PRUNE2: variants seen among roughly 807,000 people sequenced by gnomAD.
PRUNE2 encodes the protein prune homolog 2 with BCH domain.
PRUNE2 carries 164 observed loss-of-function variants against 252.0 expected under a neutral mutation model. The ratio of observed to expected loss-of-function variants is 0.65; its 90% CI spans 0.57 to 0.74. PRUNE2 has a LOEUF of 0.74. Among genes scored for constraint, PRUNE2 ranks in the 30% least tolerant of loss-of-function variants. PRUNE2 has a pLI of 0.00. For missense variants in PRUNE2, 3,495 were observed against 3,711.0 expected (o/e 0.94, Z 1.51); for synonymous variants, 1,292 against 1,350.2 (o/e 0.96, Z 0.94).
chr9:76,770,794 G>C (rs1384402388), intron 6 of PRUNE2, among the ~76,000 whole-genome samples: 3 of 152,100 alleles, frequency 2.0e-5, no homozygotes, highest in Non-Finnish European at 4.4e-5. Context: ...AAATAGCAAA[G>C]GGACAGTGGA....
chr9:76,703,489 G>A lies in PRUNE2; in HGVS notation c.8124C>T (p.Gly2708=). ...CAGCCTGCAACGTAACTGCATCCGG[G>A]CCAGCCCTGCCTCGGCTCTTACTCT... ...SQKSKSRGRA[G]PDAVTLQAVT... The change falls in exon 9 of 19, where the codon GGC becomes GGT. Residue 2708 remains glycine (G), a synonymous_variant. Coordinates refer to ENST00000376718, the MANE Select transcript of PRUNE2 (RefSeq NM_015225.3). 6.2e-7 allele frequency: 1 copy of A among 1,613,794 alleles called. No homozygotes were observed. Among genetic ancestry groups the A allele is most frequent in the Non-Finnish European group, 8.5e-7 (1 of 1,179,840 alleles).
chr9:76,726,521 G>A (rs777344712), intron 6 of PRUNE2, among the ~76,000 whole-genome samples: 2 of 152,182 alleles, frequency 1.3e-5, no homozygotes, highest in African/African-American at 2.4e-5. Context: ...GATAAGTTTA[G>A]TGAGACAATT....
At chr9:76,644,170 T>G (rs1237849471) in intron 12 of PRUNE2, among the ~76,000 whole-genome samples, 2 of 152,176 alleles carry the variant, frequency 1.3e-5, no homozygotes. Context: ...CTCTCTCCCT[T>G]GTCTCTCACC....
chr9:76,646,006 T>C (rs1194255590), intron 11 of PRUNE2, among the ~76,000 whole-genome samples: 2 of 152,342 alleles, frequency 1.3e-5, no homozygotes, highest in African/African-American at 4.8e-5. Flanking sequence ...TCTGAAGTGG[T>C]TTGCCTCAGA....
rs535441909 is a variant in PRUNE2 at position 76,887,488 on chromosome 9, T to C, written c.36+18440A>G. 5.3e-5 allele frequency among the ~76,000 whole-genome samples: 8 copies of C among 152,304 alleles called. No individual in the cohort carries two copies. The South Asian group carries it at 1.7e-3, about 32-fold the overall frequency. ...AATTATTAACTTTCCTTCCTGTAAATGACAATAATCCGTCCCTGCACGGTG... is the reference window on the plus strand; with the variant it reads ...AATTATTAACTTTCCTTCCTGTAAACGACAATAATCCGTCCCTGCACGGTG... On this transcript the variant is annotated intron_variant, in intron 1 of 18. Transcript: ENST00000376718.
In PRUNE2 at chr9:76,705,633, A is replaced by C; in HGVS notation, c.6641T>G (p.Met2214Arg). 6.2e-7 allele frequency: 1 copy of C among 1,614,048 alleles called. No homozygotes were observed. The highest frequency in any genetic ancestry group is 8.5e-7 in the Non-Finnish European group (1 of 1,179,896). ...QVSEKGASPD[M>R]APILEPVDRR... The stretch of plus-strand genomic sequence containing the variant: ...GTCAACTGGTTCCAAAATTGGTGCC[A>C]TATCTGGGCTGGCTCCTTTTTCTGA... The change falls in exon 8 of 19, where the codon ATG (methionine) becomes AGG (arginine). Residue 2214 changes from methionine to arginine, a missense_variant. Transcript: ENST00000376718.
chr9:76,885,665 G>C (rs55969424), intron 1 of PRUNE2, among the ~76,000 whole-genome samples: 1,757 of 152,172 alleles, frequency 0.012, 37 homozygotes, highest in African/African-American at 0.04. Context: ...AGCAAAGTAC[G>C]ATGGCTATGC....
intron 1 of PRUNE2, among the ~76,000 whole-genome samples, chr9:76,854,961 G>C (rs2060161363): frequency 6.6e-6 from 1 of 150,666 alleles, no homozygotes; most frequent in East Asian, 1.9e-4. Flanking sequence ...AGCTATTCAG[G>C]AGGCTGAGGT....
intron 9 of PRUNE2, among the ~76,000 whole-genome samples, chr9:76,672,108 G>A (rs1239637948): frequency 1.3e-4 from 20 of 150,732 alleles, no homozygotes; most frequent in Non-Finnish European, 2.2e-4. Flanking sequence ...ACAGACTGGC[G>A]AATTGGATAA....
At chr9:76,669,981 C>A (rs1212678915) in intron 9 of PRUNE2, among the ~76,000 whole-genome samples, 3 of 152,194 alleles carry the variant, frequency 2.0e-5, no homozygotes, top group East Asian at 3.9e-4. Flanking sequence ...GTACTTTGCA[C>A]CACTTTGCCC....
chr9:76,812,778 C>A (rs2057443630), intron 6 of PRUNE2, among the ~76,000 whole-genome samples: 1 of 152,172 alleles, frequency 6.6e-6, no homozygotes, highest in Admixed American at 6.5e-5. Flanking sequence ...GCACATGTGT[C>A]TCTGCACAGC....
At chr9:76,670,652 G>T (rs2041216800) in intron 9 of PRUNE2, among the ~76,000 whole-genome samples, 1 of 152,156 alleles carries the variant, frequency 6.6e-6, no homozygotes, top group Non-Finnish European at 1.5e-5. Context: ...AAATGTCCCT[G>T]TCTGACAGCT....
chr9:76,867,746 T>C (rs1489547742), intron 1 of PRUNE2, among the ~76,000 whole-genome samples: 1 of 152,142 alleles, frequency 6.6e-6, no homozygotes, highest in East Asian at 1.9e-4. Flanking sequence ...TTTTTTTGTG[T>C]ATTTTTAGTA....
At chr9:76,899,191 G>A (rs576819037) in intron 1 of PRUNE2, among the ~76,000 whole-genome samples, 1 of 152,228 alleles carries the variant, frequency 6.6e-6, no homozygotes, top group Admixed American at 6.5e-5. Flanking sequence ...ACATGGAGGA[G>A]AACCTACGGT....
intron 6 of PRUNE2, among the ~76,000 whole-genome samples, chr9:76,768,445 G>A (rs2052677183): frequency 1.3e-5 from 2 of 152,122 alleles, no homozygotes; most frequent in South Asian, 4.2e-4. Context: ...CTCCTGCCTT[G>A]GCCTGCTAAA....
chr9:76,883,235 T>C (rs1005075048), intron 1 of PRUNE2, among the ~76,000 whole-genome samples: 1 of 152,236 alleles, frequency 6.6e-6, no homozygotes, highest in Admixed American at 6.5e-5. Context: ...CAGTGTCAGT[T>C]GCAAATAGAA....
In PRUNE2 at chr9:76,704,756, C is replaced by T. The variant is rs1276868299; in HGVS notation, c.7513+5G>A. The stretch of plus-strand genomic sequence containing the variant: ...TTGGAAGTGGAAGAATGGAATGTTT[C>T]TTACCATTTGGTGGTCCTATGTCTC... On this transcript the variant is annotated splice_donor_5th_base_variant and intron_variant, in intron 8 of 18. Coordinates refer to ENST00000376718, the MANE Select transcript of PRUNE2 (RefSeq NM_015225.3). 6.6e-7 allele frequency: 1 copy of T among 1,521,280 alleles called. No homozygotes were observed. The highest frequency in any genetic ancestry group is 1.4e-5 in the African/African-American group (1 of 72,414). The allele number at this position is 1,521,280 out of a possible 1,614,324, so 94.2% of individuals were successfully genotyped here.
chr9:76,710,761 G>T lies in PRUNE2; in HGVS notation c.1513C>A (p.Gln505Lys), dbSNP rs2046663696. ...GCAGAATGAGAAGATTGCTGGGACTGCCCAGAAGCCATGGGTGCTGGGTCA... is the reference window on the plus strand; with the variant it reads ...GCAGAATGAGAAGATTGCTGGGACTTCCCAGAAGCCATGGGTGCTGGGTCA... The part of the protein sequence containing the change: ...NFDPAPMASG[Q>K]SQQSSHSADY... The change falls in exon 8 of 19, where the codon CAG becomes AAG. Residue 505 changes from glutamine (Q) to lysine (K), a missense_variant. Transcript: ENST00000376718. 1 of 1,608,166 alleles carries T rather than the reference G, an allele frequency of 6.2e-7. No homozygotes were observed. The highest frequency in any genetic ancestry group is 8.5e-7 in the Non-Finnish European group (1 of 1,177,482).
At chr9:76,727,645 CTTTTTTT>C (rs577095894) in intron 6 of PRUNE2, among the ~76,000 whole-genome samples, 1 of 72,716 alleles carries the variant, frequency 1.4e-5, no homozygotes, top group Admixed American at 1.5e-4. Flanking sequence ...TCTTCTTCTT[CTTTTTTT>C]TTTTTTTTGT....
Sources: allele counts gnomAD v4.1 joint callset (sites outside exome capture counted in the v4.1 genomes callset), GRCh38; gene constraint gnomAD v4.1.1; transcripts MANE v1.5; gene names NCBI Gene and HGNC (gene_info 2026-07-23, HGNC 2026-07-21).